The following MAML2 variants were observed in gnomAD, a reference collection of about 807,000 sequenced individuals.
MAML2 encodes mastermind-like protein 2.
MAML2 carries 22 observed loss-of-function variants against 96.1 expected under a neutral mutation model. That is an observed-to-expected ratio of 0.23 (90% confidence interval 0.16 to 0.33). The LOEUF (loss-of-function observed/expected upper bound fraction) is 0.33. Ranked by LOEUF, MAML2 falls within the 10% of genes least tolerant of loss-of-function variation. The pLI is 1.00. For synonymous variants in MAML2, 561 were observed against 521.3 expected, an observed-to-expected ratio of 1.08 and a Z score of -1.04; for missense variants, 1,367 against 1,392.4, an observed-to-expected ratio of 0.98 and a Z score of 0.29.
chr11:96,326,936 C>G (rs1199541806), intron 1 of MAML2, among the ~76,000 whole-genome samples: 1 of 152,126 alleles, frequency 6.6e-6, no homozygotes, highest in East Asian at 1.9e-4. Flanking sequence ...TTCTTGGTCT[C>G]ATAGAGCTTA....
chr11:96,297,403 C>T (rs1209067826), intron 1 of MAML2, among the ~76,000 whole-genome samples: 7 of 151,750 alleles, frequency 4.6e-5, no homozygotes, highest in African/African-American at 7.3e-5. Flanking sequence ...GGTGAAACCC[C>T]GTCTCTACTA....
intron 1 of MAML2, among the ~76,000 whole-genome samples, chr11:96,261,449 A>T (rs994136490): frequency 6.6e-6 from 1 of 152,228 alleles, no homozygotes; most frequent in Non-Finnish European, 1.5e-5. Flanking sequence ...GTGGTTCATG[A>T]CATTTATTGA....
intron 2 of MAML2, among the ~76,000 whole-genome samples, chr11:96,068,040 T>C (rs1447029285): frequency 6.6e-6 from 1 of 152,196 alleles, no homozygotes; most frequent in Non-Finnish European, 1.5e-5. Context: ...AGTTCGTTTT[T>C]TAAAAATCCC....
At chr11:96,211,715 C>A (rs1183607828) in intron 1 of MAML2, among the ~76,000 whole-genome samples, 1 of 152,004 alleles carries the variant, frequency 6.6e-6, no homozygotes, top group East Asian at 1.9e-4. Context: ...CCTAGTGGAG[C>A]AGATGGAAAG....
At chr11:96,019,673 GATAATAATAATTATA>G (rs1554996591) in intron 2 of MAML2, among the ~76,000 whole-genome samples, 66 of 12,442 alleles carry the variant, frequency 5.3e-3, no homozygotes, top group African/African-American at 0.013. Flanking sequence ...GCCAAGGGCT[GATAATAATAATTATA>G]ATAATAATAA....
At chr11:96,294,109 T>C (rs1863253308) in intron 1 of MAML2, among the ~76,000 whole-genome samples, 1 of 152,208 alleles carries the variant, frequency 6.6e-6, no homozygotes, top group Non-Finnish European at 1.5e-5. Flanking sequence ...AAAAGACTGA[T>C]ATGTTCGTTC....
intron 1 of MAML2, among the ~76,000 whole-genome samples, chr11:96,237,575 T>C (rs1862381669): frequency 6.6e-6 from 1 of 152,218 alleles, no homozygotes. Flanking sequence ...AGGCACATAG[T>C]GGACATCCAA....
At chr11:96,132,769 G>A (rs1221480095) in intron 1 of MAML2, among the ~76,000 whole-genome samples, 1 of 152,170 alleles carries the variant, frequency 6.6e-6, no homozygotes, top group Non-Finnish European at 1.5e-5. Context: ...CTGTAGGAAA[G>A]GATTAATTCA....
intron 1 of MAML2, among the ~76,000 whole-genome samples, chr11:96,263,406 C>T (rs1381722610): frequency 1.3e-5 from 2 of 152,204 alleles, no homozygotes; most frequent in Non-Finnish European, 2.9e-5. Flanking sequence ...AACAATTTAA[C>T]AACAATATTA....
At chr11:96,231,157 T>C (rs1862288049) in intron 1 of MAML2, among the ~76,000 whole-genome samples, 1 of 152,168 alleles carries the variant, frequency 6.6e-6, no homozygotes. Flanking sequence ...TATATTTCTC[T>C]CTATATAAAA....
At chr11:96,152,789 A>G (rs373011258) in intron 1 of MAML2, among the ~76,000 whole-genome samples, 3 of 152,194 alleles carry the variant, frequency 2.0e-5, no homozygotes, top group African/African-American at 4.8e-5. Flanking sequence ...GAGAATACCA[A>G]TGTAGTTTAA....
intron 1 of MAML2, among the ~76,000 whole-genome samples, chr11:96,122,353 T>C (rs1277111089): frequency 1.3e-5 from 2 of 152,092 alleles, no homozygotes; most frequent in African/African-American, 4.8e-5. Flanking sequence ...TGCTCTCCCC[T>C]GGAGCTGCAG....
intron 2 of MAML2, among the ~76,000 whole-genome samples, chr11:96,065,468 C>T (rs1051881424): frequency 6.6e-6 from 1 of 151,916 alleles, no homozygotes; most frequent in Non-Finnish European, 1.5e-5. Context: ...GCAAAGAACC[C>T]TGGTTTAGCT....
chr11:96,016,494 C>T (rs1223038442), intron 2 of MAML2, among the ~76,000 whole-genome samples: 1 of 152,162 alleles, frequency 6.6e-6, no homozygotes, highest in African/African-American at 2.4e-5. Flanking sequence ...GCCTCTCACA[C>T]CTTACTTCTG....
At chr11:96,009,033 T>C (rs1198444143) in intron 2 of MAML2, among the ~76,000 whole-genome samples, 2 of 152,162 alleles carry the variant, frequency 1.3e-5, no homozygotes, top group Non-Finnish European at 2.9e-5. Flanking sequence ...TTGGGGAAGG[T>C]GTTATGTTAA....
intron 1 of MAML2, among the ~76,000 whole-genome samples, chr11:96,249,829 TA>T (rs1254763954): frequency 1.3e-5 from 2 of 152,120 alleles, no homozygotes; most frequent in African/African-American, 4.8e-5. Context: ...AGTAAGCCTA[TA>T]AAAATGAGCT....
At chr11:96,232,619 G>A (rs1421075053) in intron 1 of MAML2, among the ~76,000 whole-genome samples, 2 of 152,060 alleles carry the variant, frequency 1.3e-5, no homozygotes, top group South Asian at 2.1e-4. Flanking sequence ...ACAGGCGCCC[G>A]CCACCACGCC....
At chr11:96,266,905 C>T (rs79427461) in intron 1 of MAML2, among the ~76,000 whole-genome samples, 5,752 of 152,226 alleles carry the variant, frequency 0.038, 152 homozygotes, top group Non-Finnish European at 0.053. Flanking sequence ...TTTAGAAATA[C>T]GTGAGGCTTA....
chr11:96,198,000 T>A (rs1009523177), intron 1 of MAML2, among the ~76,000 whole-genome samples: 2 of 152,128 alleles, frequency 1.3e-5, no homozygotes, highest in African/African-American at 2.4e-5. Context: ...AAACTTGCAA[T>A]GAGTAAGTAA....
Sources: allele counts gnomAD v4.1 joint callset (sites outside exome capture counted in the v4.1 genomes callset), GRCh38; gene constraint gnomAD v4.1.1; transcripts MANE v1.5; gene names NCBI Gene and HGNC (gene_info 2026-07-23, HGNC 2026-07-21).